Variants in DLG2 observed in about 807,000 individuals in gnomAD.
DLG2 encodes disks large homolog 2.
Under a neutral mutation model 132.5 loss-of-function variants are expected in DLG2, and 45 were observed. The observed-to-expected ratio is 0.34, with a 90% CI of 0.27 to 0.44. The LOEUF is 0.44. DLG2 is among the 20% of genes least tolerant of loss of function. DLG2 has a pLI of 1.00. For missense variants in DLG2, 1,045 were observed against 1,196.9 expected (o/e 0.87, Z 1.87); for synonymous variants, 424 against 419.6 (o/e 1.01, Z -0.13).
At chr11:84,083,561 A>C (rs1313763242) in intron 10 of DLG2, among the ~76,000 whole-genome samples, 1 of 152,250 alleles carries the variant, frequency 6.6e-6, no homozygotes, top group Non-Finnish European at 1.5e-5. Flanking sequence ...GAGTCCTCAT[A>C]AATGGATTAA....
At position 84,273,786 on chromosome 11, in the gene DLG2, A is replaced by C. The variant is rs1750519955; in HGVS notation, c.520-22495T>G. The stretch of plus-strand genomic sequence containing the variant: ...ACATGCATACTCACAGTGTCATTTA[A>C]TATGTCCAGCTCTCCTCTCAGTTTA... On this transcript the variant is annotated intron_variant, in intron 7 of 27. Coordinates refer to ENST00000376104, the MANE Select transcript of DLG2 (RefSeq NM_001142699.3). 2.0e-5 allele frequency among the ~76,000 whole-genome samples: 3 copies of C among 152,200 alleles called. No individual in the cohort carries two copies. The South Asian group carries it at 6.2e-4, about 31-fold the overall frequency.
chr11:85,461,201 A>C (rs2092599721), intron 3 of DLG2, among the ~76,000 whole-genome samples: 1 of 152,160 alleles, frequency 6.6e-6, no homozygotes, highest in Non-Finnish European at 1.5e-5. Context: ...ATTTCTTCCT[A>C]CTTATTGTAA....
intron 19 of DLG2, 137 bp downstream of exon 19, chr11:83,633,074 A>AAC (rs1389073399): frequency 4.4e-6 from 3 of 678,754 alleles, no homozygotes; most frequent in Non-Finnish European, 7.7e-6. Context: ...CAAATGCTTA[A>AAC]ACACAAGGTC....
At chr11:83,972,825 G>A (rs934054446) in intron 12 of DLG2, among the ~76,000 whole-genome samples, 2 of 152,076 alleles carry the variant, frequency 1.3e-5, no homozygotes, top group Non-Finnish European at 2.9e-5. Context: ...TCTGTGCCAG[G>A]CACAGGATAT....
chr11:83,906,312 CA>C (rs1468478298), intron 15 of DLG2, among the ~76,000 whole-genome samples: 21,297 of 137,904 alleles, frequency 0.15, 2,564 homozygotes, highest in East Asian at 0.34. Context: ...CACACACACA[CA>C]CACACACCTC....
chr11:84,869,335 C>G (rs1483902398), intron 6 of DLG2, among the ~76,000 whole-genome samples: 3 of 152,124 alleles, frequency 2.0e-5, no homozygotes, highest in African/African-American at 7.2e-5. Flanking sequence ...CAGGCGGTAC[C>G]TAATGGATAG....
chr11:84,856,906 G>T (rs1478871988), intron 6 of DLG2, among the ~76,000 whole-genome samples: 2 of 151,944 alleles, frequency 1.3e-5, no homozygotes, highest in Admixed American at 6.6e-5. Flanking sequence ...ATATAAACAA[G>T]TAATATGAAG....
At chr11:83,541,080 G>C (rs2141466575) in intron 20 of DLG2, among the ~76,000 whole-genome samples, 2 of 152,220 alleles carry the variant, frequency 1.3e-5, no homozygotes, top group South Asian at 4.1e-4. Flanking sequence ...AAATATCTTG[G>C]TGGCTATTGG....
At chr11:85,264,382 C>T (rs1028813242) in intron 4 of DLG2, among the ~76,000 whole-genome samples, 1 of 152,146 alleles carries the variant, frequency 6.6e-6, no homozygotes, top group East Asian at 1.9e-4. Flanking sequence ...GAAATACTTT[C>T]CTTTTCTTTG....
chr11:85,541,464 T>C (rs1316758077), intron 3 of DLG2, among the ~76,000 whole-genome samples: 3 of 150,896 alleles, frequency 2.0e-5, no homozygotes, highest in African/African-American at 4.8e-5. Flanking sequence ...AGATAATGAG[T>C]ATTATTATTT....
At chr11:84,890,894 G>A (rs1419123069) in intron 6 of DLG2, 1 of 152,242 alleles carries the variant, frequency 6.6e-6, no homozygotes, top group Non-Finnish European at 1.5e-5. Context: ...TGTCATGCTG[G>A]GGGACAGAGC....
chr11:84,096,733 C>G (rs1025472232), intron 10 of DLG2, among the ~76,000 whole-genome samples: 1 of 152,160 alleles, frequency 6.6e-6, no homozygotes, highest in Non-Finnish European at 1.5e-5. Flanking sequence ...AGAATCCCCA[C>G]GATGACTCAT....
chr11:84,165,035 T>C (rs1244238948), intron 8 of DLG2, among the ~76,000 whole-genome samples: 1 of 152,148 alleles, frequency 6.6e-6, no homozygotes, highest in East Asian at 1.9e-4. Context: ...TCAAACTCCT[T>C]GTATGTTTCC....
At chr11:84,190,792 C>T (rs557256902) in intron 8 of DLG2, among the ~76,000 whole-genome samples, 1 of 152,288 alleles carries the variant, frequency 6.6e-6, no homozygotes, top group South Asian at 2.1e-4. Context: ...ATCAAAATTA[C>T]TTCCTTCCTC....
intron 17 of DLG2, among the ~76,000 whole-genome samples, chr11:83,824,566 C>A (rs1473639316): frequency 6.6e-6 from 1 of 152,126 alleles, no homozygotes; most frequent in Non-Finnish European, 1.5e-5. Context: ...ATATGTTTCA[C>A]TTGATAGTAA....
At chr11:84,865,472 T>C (rs2084405642) in intron 6 of DLG2, among the ~76,000 whole-genome samples, 1 of 152,220 alleles carries the variant, frequency 6.6e-6, no homozygotes, top group Admixed American at 6.5e-5. Flanking sequence ...ACTATGTCCA[T>C]CAGTGACTCA....
At chr11:83,480,511 C>T (rs2093014654) in intron 22 of DLG2, 5 of 1,499,932 alleles carry the variant, frequency 3.3e-6, no homozygotes, top group Non-Finnish European at 3.6e-6. Flanking sequence ...GAAATGTGAG[C>T]GAAAGGCAAG....
At chr11:84,359,430 C>T (rs1441642685) in intron 7 of DLG2, among the ~76,000 whole-genome samples, 3 of 151,758 alleles carry the variant, frequency 2.0e-5, no homozygotes, top group Non-Finnish European at 4.4e-5. Context: ...ATTAATGTTG[C>T]CCTGAAAATA....
At chr11:83,691,746 T>C (rs1206670657) in intron 18 of DLG2, among the ~76,000 whole-genome samples, 3 of 152,200 alleles carry the variant, frequency 2.0e-5, no homozygotes, top group Non-Finnish European at 4.4e-5. Flanking sequence ...ATTCTCATTG[T>C]AGCAGATTCT....
Sources: allele counts gnomAD v4.1 joint callset (sites outside exome capture counted in the v4.1 genomes callset), GRCh38; gene constraint gnomAD v4.1.1; transcripts MANE v1.5; gene names NCBI Gene and HGNC (gene_info 2026-07-23, HGNC 2026-07-21).